Variants in ATG16L2 observed in about 807,000 individuals in gnomAD.
ATG16L2 encodes the protein autophagy related 16 like 2.
A neutral mutation model predicts 84.7 loss-of-function variants in ATG16L2; 77 were observed. The observed-to-expected ratio is 0.91, with a 90% CI of 0.76 to 1.10. The LOEUF (loss-of-function observed/expected upper bound fraction) is 1.10. Ranked by LOEUF, ATG16L2 falls within the 50% of genes least tolerant of loss-of-function variation. The pLI, the probability that ATG16L2 is intolerant of heterozygous loss-of-function variation, is 0.00. For synonymous variants in ATG16L2, 361 were observed against 342.8 expected (o/e 1.05, Z -0.59); for missense variants, 782 against 817.6 (o/e 0.96, Z 0.53).
chr11:72,816,829 T>C lies in ATG16L2; in HGVS notation c.218+2T>C. ...TCCCACCACCCACCAGGGCCCCTGG[T>C]AAGTGTATGTGGGTCCGTGGTCACA... is the stretch of plus-strand genomic sequence containing the variant. On this transcript the variant is annotated splice_donor_variant, in intron 2 of 17. Transcript: ENST00000321297. LOFTEE classifies it high-confidence loss of function. The C allele has an allele frequency of 6.2e-7, 1 of 1,613,618 alleles. No individual in the cohort carries two copies. Among genetic ancestry groups the C allele is most frequent in the Non-Finnish European group, 8.5e-7 (1 of 1,179,536 alleles).
At chr11:72,828,218 G>A (rs972317243) in intron 14 of ATG16L2, 141 bp from the exon 15 acceptor site, 12 of 861,890 alleles carry the variant, frequency 1.4e-5, no homozygotes, top group Non-Finnish European at 1.9e-5. Context: ...TGAGTCACTC[G>A]CAGCCTTTAC....
In ATG16L2 at chr11:72,824,044, C is replaced by T; in HGVS notation, c.825-16C>T. 6.2e-7 allele frequency: 1 copy of T among 1,614,200 alleles called. No individual in the cohort carries two copies. The highest frequency in any genetic ancestry group is 8.5e-7 in the Non-Finnish European group (1 of 1,180,004). On this transcript the variant is annotated splice_polypyrimidine_tract_variant and intron_variant, in intron 7 of 17. Transcript: ENST00000321297. ...CCAGCCAGTCCCTTAGCATATCTCT[C>T]TTGGTTTTGTCTCAGGTCTGCCTCA...
At chr11:72,826,963 A>C (rs566047039) in intron 13 of ATG16L2, 140 bp downstream of exon 13, 1 of 1,033,934 alleles carries the variant, frequency 9.7e-7, no homozygotes, top group East Asian at 2.6e-5. Context: ...AGGCCCTCCA[A>C]TTCCCTAATG....
At chr11:72,816,694 C>T (rs771649936) in intron 1 of ATG16L2, 34 bp from the exon 2 acceptor site, 18 of 1,560,724 alleles carry the variant, frequency 1.2e-5, no homozygotes, top group Middle Eastern at 1.7e-4. Flanking sequence ...GGGTATCTGT[C>T]TCTGCCCCAG....
Position 72,826,257 on chromosome 11 carries a change from C to A in ATG16L2, c.1173+14C>A. On this transcript the variant is annotated intron_variant, in intron 11 of 17. Transcript: ENST00000321297. ...TTTGACCCCTCGGTGAGGAACTCTGCCCCAGTGGCATGGGATTGTGCCCTC... is the reference window on the plus strand; with the variant it reads ...TTTGACCCCTCGGTGAGGAACTCTGACCCAGTGGCATGGGATTGTGCCCTC... 6.2e-7 allele frequency: 1 copy of A among 1,612,760 alleles called. No individual in the cohort carries two copies. The highest frequency in any genetic ancestry group is 8.5e-7 in the Non-Finnish European group (1 of 1,179,226).
At chr11:72,820,384 C>A (rs184051572) in intron 3 of ATG16L2, 1 of 152,184 alleles carries the variant, frequency 6.6e-6, no homozygotes, top group Admixed American at 6.5e-5. Flanking sequence ...CCCTCTCCCC[C>A]CAACCATCCC....
chr11:72,824,752 T>G lies in ATG16L2; in HGVS notation c.906T>G (p.Gly302=). The change falls in exon 9 of 18, where the codon GGT becomes GGG. Residue 302 remains glycine, a synonymous_variant. Transcript: ENST00000321297. ...ACCCCAGTTTTAAGAAGAGGAGAGG[T>G]CACTCAATTGGGGGAGCCCCTGAGC... ...KGLLDFKKRR[G]HSIGGAPEQR... is the part of the protein sequence containing the mutation. 1 of 1,613,602 alleles carries G rather than the reference T, an allele frequency of 6.2e-7. No individual in the cohort carries two copies. The highest frequency in any genetic ancestry group is 8.5e-7 in the Non-Finnish European group (1 of 1,179,850).
In ATG16L2 at chr11:72,827,195, G is replaced by C. The variant is rs1331560649; in HGVS notation, c.1374G>C (p.Arg458Ser). 6.2e-7 allele frequency: 1 copy of C among 1,613,912 alleles called. No individual in the cohort carries two copies. Residue 458 changes from arginine (R) to serine (S), a missense_variant, in exon 14 of 18, where the codon AGG (arginine) becomes AGC (serine). By Grantham distance (110) the Arg-to-Ser change is moderately radical (BLOSUM62 -1). Coordinates refer to ENST00000321297, the MANE Select transcript of ATG16L2 (RefSeq NM_033388.2). ...EWDLGRAYCSRTINVLSYCND... is the reference protein window; with the variant it reads ...EWDLGRAYCSSTINVLSYCND... ...CTGCTGCTTGGTCCCCAGGCTCCAG[G>C]ACCATCAATGTCCTTTCCTACTGTA...
downstream of ATG16L2, among the ~76,000 whole-genome samples, chr11:72,830,672 C>T (rs1382468979): frequency 6.6e-6 from 1 of 152,216 alleles, no homozygotes; most frequent in African/African-American, 2.4e-5. Context: ...GTTCACAAGT[C>T]CAATCCTTTG....
Position 72,822,578 on chromosome 11 carries a change from TTC to T in ATG16L2, c.710+37_710+38del. On this transcript the variant is annotated intron_variant, in intron 6 of 17. Transcript: ENST00000321297. This position sits in a 1 kb window ranked among gnomAD's most constrained non-coding sequence, Gnocchi z 4.2. The stretch of plus-strand genomic sequence containing the variant: ...GGGATGGGCCGGTCCGACCCTTGCG[TTC>T]TGCCTCCCGCCCCGCCTGCCTGCGG... The T allele has an allele frequency of 1.2e-5, 20 of 1,601,440 alleles. No homozygotes were observed. The highest frequency in any genetic ancestry group is 1.7e-5 in the Non-Finnish European group (20 of 1,174,392).
At chr11:72,831,072 TC>T (rs1175968778), downstream of ATG16L2, among the ~76,000 whole-genome samples, 1 of 152,244 alleles carries the variant, frequency 6.6e-6, no homozygotes, top group Non-Finnish European at 1.5e-5. Context: ...GCCTCCTCTG[TC>T]CCTGAGCTCC....
At chr11:72,842,897 G>A in exon 6 of ATG16L2, 2 of 1,361,754 alleles carry the variant, frequency 1.5e-6, no homozygotes, top group East Asian at 2.3e-5. Flanking sequence ...GGTTGCTTTT[G>A]CAACCACCCC....
intron 7 of ATG16L2, chr11:72,823,740 A>C: frequency 6.1e-6 from 3 of 491,982 alleles, no homozygotes; most frequent in East Asian, 5.8e-5. Flanking sequence ...GCCTGGGGGA[A>C]CCTTCAGCGT....
In ATG16L2 at chr11:72,829,527, G is replaced by C. The variant is rs927609543; in HGVS notation, c.*137G>C. On this transcript the variant is annotated 3_prime_UTR_variant, in exon 18 of 18. Transcript: ENST00000321297. Reference sequence around the variant, plus strand: ...AAGAAGGCCTGGCAGGACCTGGCCTGTTTGTTTAAAAATGAAGTATGGGTT... The same window carrying C: ...AAGAAGGCCTGGCAGGACCTGGCCTCTTTGTTTAAAAATGAAGTATGGGTT... 7.1e-7 allele frequency: 1 copy of C among 1,411,530 alleles called. No homozygotes were observed. Among genetic ancestry groups the C allele is most frequent in the Non-Finnish European group, 9.2e-7 (1 of 1,082,856 alleles). The allele number at this position is 1,411,530 out of a possible 1,614,324, so 87.4% of individuals were successfully genotyped here. A position where few individuals can be genotyped will look rare whatever the true frequency, so the allele number is the denominator to read the frequency against.
chr11:72,831,156 C>T (rs999092086), downstream of ATG16L2, among the ~76,000 whole-genome samples: 9 of 152,212 alleles, frequency 5.9e-5, no homozygotes, highest in Non-Finnish European at 1.3e-4. Flanking sequence ...TAGATTATTT[C>T]CTGGGATCAG....
At chr11:72,823,009 C>T (rs1213090064) in intron 7 of ATG16L2, 48 bp downstream of exon 7, 1 of 1,345,516 alleles carries the variant, frequency 7.4e-7, no homozygotes, top group Non-Finnish European at 1.0e-6. Flanking sequence ...AGCCCCACCC[C>T]AGAGGCTGCC....
At position 72,822,451 on chromosome 11, in the gene ATG16L2, G is replaced by A. The variant is rs1306712254; in HGVS notation, c.645-27G>A. 1.2e-6 allele frequency: 2 copies of A among 1,612,818 alleles called. No homozygotes were observed. The highest frequency in any genetic ancestry group is 1.6e-4 in the Middle Eastern group (1 of 6,082). On this transcript the variant is annotated intron_variant, in intron 5 of 17. Transcript: ENST00000321297. This position sits in a 1 kb window ranked among gnomAD's most constrained non-coding sequence, Gnocchi z 4.2. ...CCTGCGTGCGAGGCGCCGCGCCAGGGTCTCAGGATGCTTTTTACCCAACAA... is the reference window on the plus strand; with the variant it reads ...CCTGCGTGCGAGGCGCCGCGCCAGGATCTCAGGATGCTTTTTACCCAACAA...
chr11:72,841,439 C>T (rs763072917), intron 5 of ATG16L2: 2 of 1,609,556 alleles, frequency 1.2e-6, no homozygotes, highest in African/African-American at 1.3e-5. Flanking sequence ...GACCCATGCC[C>T]AGGAGAACCC....
At chr11:72,819,902 T>G (rs989887130) in intron 3 of ATG16L2, among the ~76,000 whole-genome samples, 2 of 152,006 alleles carry the variant, frequency 1.3e-5, no homozygotes, top group Non-Finnish European at 2.9e-5. Context: ...CCCGCCACCA[T>G]GCCCGGCTAA....
Sources: gnomAD v4.1 joint callset for allele counts (sites outside exome capture counted in the v4.1 genomes callset) on GRCh38, gnomAD v4.1.1 for gene constraint, Gnocchi (gnomAD v3.1) non-coding constraint, MANE v1.5 for transcripts, NCBI Gene and HGNC (gene_info 2026-07-23, HGNC 2026-07-21) for gene names.